CRADD: variants seen among roughly 807,000 people sequenced by gnomAD.
CRADD encodes CARD and death domain containing adaptor protein.
In CRADD, 9 loss-of-function variants were observed where a neutral mutation model predicts 15.5. That is an observed-to-expected ratio of 0.58 (90% CI 0.35 to 1.01). The LOEUF (loss-of-function observed/expected upper bound fraction) is 1.01, where lower values mean the gene tolerates loss of function less well. Ranked by LOEUF, CRADD falls within the 50% of genes least tolerant of loss-of-function variation. The pLI is 0.02. For missense variants in CRADD, 227 were observed against 250.3 expected (o/e 0.91, Z 0.63); for synonymous variants, 118 against 107.6 (o/e 1.10, Z -0.60).
intron 2 of CRADD, among the ~76,000 whole-genome samples, chr12:93,799,440 AGTAC>A (rs1957454566): frequency 6.6e-6 from 1 of 152,208 alleles, no homozygotes; most frequent in Non-Finnish European, 1.5e-5. Flanking sequence ...CTGCATAGGG[AGTAC>A]CCTCTTGTCA....
At chr12:93,789,147 G>A (rs983643280) in intron 2 of CRADD, among the ~76,000 whole-genome samples, 7 of 151,694 alleles carry the variant, frequency 4.6e-5, no homozygotes, top group African/African-American at 1.2e-4. Flanking sequence ...CAAAATCTTC[G>A]TATTTCCCAG....
At chr12:93,683,790 G>A (rs1955372257) in intron 2 of CRADD, among the ~76,000 whole-genome samples, 1 of 152,264 alleles carries the variant, frequency 6.6e-6, no homozygotes. Context: ...TAGATATTGT[G>A]ATGGGTTTAT....
intron 2 of CRADD, among the ~76,000 whole-genome samples, chr12:93,821,718 G>T (rs989398564): frequency 6.6e-6 from 1 of 152,206 alleles, no homozygotes; most frequent in African/African-American, 2.4e-5. Flanking sequence ...ACAGGGAAAA[G>T]AAAATCTGGA....
chr12:93,743,610 C>A (rs1324065082), intron 2 of CRADD, among the ~76,000 whole-genome samples: 1 of 152,146 alleles, frequency 6.6e-6, no homozygotes, highest in Non-Finnish European at 1.5e-5. Flanking sequence ...CTTACTGTCC[C>A]TTCAATAATA....
rs542487288 is a variant in CRADD at position 93,847,374 on chromosome 12, TA to T, written c.299-2591del. Among the ~76,000 whole-genome samples the T allele has an allele frequency of 1.4e-4, 21 of 148,090 alleles. No homozygotes were observed. In the East Asian group the frequency reaches 4.1e-3, roughly 29 times the overall value. On this transcript the variant is annotated intron_variant, in intron 2 of 2. Transcript: ENST00000332896. Reference sequence around the variant, plus strand: ...ATTTTATATTATACTGTTAAGAATATAAAAAGATAAAAATAATATAAAATTG... The same window carrying T: ...ATTTTATATTATACTGTTAAGAATATAAAAGATAAAAATAATATAAAATTG...
chr12:93,812,983 G>A (rs144009929), intron 2 of CRADD, among the ~76,000 whole-genome samples: 33 of 152,238 alleles, frequency 2.2e-4, no homozygotes, highest in Admixed American at 4.6e-4. Context: ...CTCCTCTTTT[G>A]TATCAATTTT....
chr12:93,835,244 C>T (rs1254838793), intron 2 of CRADD, among the ~76,000 whole-genome samples: 1 of 152,096 alleles, frequency 6.6e-6, no homozygotes, highest in African/African-American at 2.4e-5. Flanking sequence ...TATTTATGCA[C>T]TATACTTTAT....
intron 2 of CRADD, among the ~76,000 whole-genome samples, chr12:93,893,795 A>T (rs1326333092): frequency 2.0e-5 from 3 of 151,858 alleles, no homozygotes; most frequent in Non-Finnish European, 4.4e-5. Context: ...AATCCGAGCT[A>T]CTCTGGAGGC....
chr12:93,749,436 G>C (rs898782128), intron 2 of CRADD, among the ~76,000 whole-genome samples: 4 of 152,176 alleles, frequency 2.6e-5, no homozygotes, highest in African/African-American at 9.7e-5. Context: ...AAGGTTTTTA[G>C]GACAGGGACA....
At chr12:93,686,543 A>G (rs1955446439) in intron 2 of CRADD, among the ~76,000 whole-genome samples, 1 of 152,180 alleles carries the variant, frequency 6.6e-6, no homozygotes, top group Non-Finnish European at 1.5e-5. Flanking sequence ...AGTGATAGGA[A>G]TTAGTTAAAT....
chr12:93,813,897 A>G (rs1219483508), intron 2 of CRADD, among the ~76,000 whole-genome samples: 1 of 152,194 alleles, frequency 6.6e-6, no homozygotes, highest in Non-Finnish European at 1.5e-5. Flanking sequence ...AGAATAGTTA[A>G]GAGTCCAGGG....
chr12:93,797,340 T>A (rs953352268), intron 2 of CRADD, among the ~76,000 whole-genome samples: 1 of 152,150 alleles, frequency 6.6e-6, no homozygotes, highest in Non-Finnish European at 1.5e-5. Flanking sequence ...GACTTTTCTG[T>A]GAAGTACAGC....
chr12:93,838,027 A>G (rs1320747585), intron 2 of CRADD: 1 of 152,156 alleles, frequency 6.6e-6, no homozygotes, highest in East Asian at 1.9e-4. Flanking sequence ...ATTACAATAA[A>G]TGGGATTTAT....
chr12:93,739,982 T>G (rs1002612301), intron 2 of CRADD, among the ~76,000 whole-genome samples: 2 of 152,150 alleles, frequency 1.3e-5, no homozygotes, highest in African/African-American at 2.4e-5. Flanking sequence ...CACCTAACTT[T>G]AGAAGACATT....
intron 2 of CRADD, chr12:93,735,421 T>G (rs546532346): frequency 1.3e-5 from 2 of 152,344 alleles, no homozygotes; most frequent in African/African-American, 4.8e-5. Flanking sequence ...CAAGTTGTTT[T>G]TATGTCTCTT....
intron 2 of CRADD, among the ~76,000 whole-genome samples, chr12:93,779,591 CTTTT>C (rs72096249): frequency 1.5e-5 from 2 of 137,462 alleles, no homozygotes; most frequent in Non-Finnish European, 1.6e-5. Context: ...AAGAAAGAAC[CTTTT>C]TTTTTTTTTT....
chr12:93,765,645 A>G (rs957647095), intron 2 of CRADD, among the ~76,000 whole-genome samples: 1 of 152,180 alleles, frequency 6.6e-6, no homozygotes, highest in African/African-American at 2.4e-5. Flanking sequence ...TATTAAAAGC[A>G]CAACTCCAGT....
intron 2 of CRADD, among the ~76,000 whole-genome samples, chr12:93,771,353 T>C (rs577115027): frequency 1.3e-5 from 2 of 152,344 alleles, no homozygotes; most frequent in East Asian, 3.9e-4. Context: ...TATTTTCCAT[T>C]TGAATTTTTT....
At chr12:93,738,416 G>A (rs1161687521) in intron 2 of CRADD, 6 of 702,192 alleles carry the variant, frequency 8.5e-6, no homozygotes, top group Admixed American at 2.0e-5. Context: ...GCCATCATCA[G>A]GCTTCCTAGA....
Sources: allele counts gnomAD v4.1 joint callset (sites outside exome capture counted in the v4.1 genomes callset), GRCh38; gene constraint gnomAD v4.1.1; transcripts MANE v1.5; gene names NCBI Gene and HGNC (gene_info 2026-07-23, HGNC 2026-07-21).